The following CACHD1 variants were observed in gnomAD, a reference collection of about 807,000 sequenced individuals.
The protein encoded by CACHD1 is VWFA and cache domain-containing protein 1.
A neutral mutation model predicts 138.7 loss-of-function variants in CACHD1; 71 were observed. That is an observed-to-expected ratio of 0.51 (90% CI 0.42 to 0.62). The LOEUF is 0.62. Ranked by LOEUF, CACHD1 falls within the 20% of genes least tolerant of loss-of-function variation. The probability of loss-of-function intolerance (pLI) is 0.00; values close to 1 mark genes in which losing one functional copy is unlikely to be tolerated. For synonymous variants in CACHD1, 578 were observed against 591.5 expected, an observed-to-expected ratio of 0.98 and a Z score of 0.33; for missense variants, 1,389 against 1,625.3, an observed-to-expected ratio of 0.85 and a Z score of 2.50.
chr1:64,518,777 A>G (rs1646477192), intron 1 of CACHD1, among the ~76,000 whole-genome samples: 1 of 152,150 alleles, frequency 6.6e-6, no homozygotes, highest in African/African-American at 2.4e-5. Flanking sequence ...TGAGAAGGGA[A>G]AGAGGATGGG....
chr1:64,649,201 T>G (rs1367723873), intron 9 of CACHD1, among the ~76,000 whole-genome samples: 1 of 152,102 alleles, frequency 6.6e-6, no homozygotes, highest in Non-Finnish European at 1.5e-5. Flanking sequence ...CCATTATGTC[T>G]CAATTTTTAT....
At chr1:64,506,738 T>C (rs1272774263) in intron 1 of CACHD1, among the ~76,000 whole-genome samples, 2 of 152,256 alleles carry the variant, frequency 1.3e-5, no homozygotes, top group Non-Finnish European at 2.9e-5. Context: ...TGCCCGTTAC[T>C]TACTGTGTTT....
chr1:64,544,194 G>GTTC (rs890975267), intron 1 of CACHD1, among the ~76,000 whole-genome samples: 1 of 152,086 alleles, frequency 6.6e-6, no homozygotes, highest in African/African-American at 2.4e-5. Context: ...TAAATAGCAA[G>GTTC]AGAATAAGCT....
intron 1 of CACHD1, among the ~76,000 whole-genome samples, chr1:64,486,160 C>G (rs1346178350): frequency 6.6e-6 from 1 of 151,946 alleles, no homozygotes; most frequent in Non-Finnish European, 1.5e-5. Context: ...ATTAGTATAT[C>G]TTTTTTGGTG....
intron 22 of CACHD1, among the ~76,000 whole-genome samples, chr1:64,677,670 C>A (rs540836822): frequency 3.9e-5 from 6 of 152,324 alleles, no homozygotes; most frequent in Admixed American, 6.5e-5. Context: ...TTGGGAAATG[C>A]TGACACTGCA....
intron 1 of CACHD1, among the ~76,000 whole-genome samples, chr1:64,541,577 G>A (rs1345325758): frequency 6.6e-6 from 1 of 152,168 alleles, no homozygotes; most frequent in Non-Finnish European, 1.5e-5. Context: ...GGAGGCTGAA[G>A]TGGACAGATT....
intron 1 of CACHD1, among the ~76,000 whole-genome samples, chr1:64,498,201 G>A (rs939721459): frequency 7.9e-5 from 12 of 152,114 alleles, no homozygotes; most frequent in Admixed American, 1.3e-4. Context: ...ACCAAAGCTC[G>A]GAGAGAGCTA....
chr1:64,593,205 A>G (rs1647121818), intron 3 of CACHD1, among the ~76,000 whole-genome samples: 1 of 152,194 alleles, frequency 6.6e-6, no homozygotes, highest in African/African-American at 2.4e-5. Flanking sequence ...TTACGCCTGT[A>G]ACTATGTCAT....
At chr1:64,624,223 A>G (rs970574554) in intron 4 of CACHD1, among the ~76,000 whole-genome samples, 7 of 152,248 alleles carry the variant, frequency 4.6e-5, no homozygotes, top group Non-Finnish European at 7.3e-5. Flanking sequence ...GGAGAATTGG[A>G]GAAACCTTGC....
Position 64,691,390 on chromosome 1 carries a change from C to T in CACHD1, c.3654C>T (p.Ala1218=), listed in dbSNP as rs544222989. 7.1e-5 allele frequency: 114 copies of T among 1,614,070 alleles called. No individual in the cohort carries two copies. The South Asian group carries it at 1.0e-3, about 14-fold the overall frequency. The change falls in exon 27 of 27, where the codon GCC becomes GCT. Residue 1218 remains alanine (A), a synonymous_variant. Transcript: ENST00000651257. ...NPPCNNDPLS[A]GVDVGNHDED... ...CATGCAACAATGACCCCTTGTCAGC[C>T]GGGGTCGATGTGGGAAACCATGATG...
chr1:64,513,809 G>C (rs1261919335), intron 1 of CACHD1, among the ~76,000 whole-genome samples: 1 of 152,208 alleles, frequency 6.6e-6, no homozygotes, highest in East Asian at 1.9e-4. Flanking sequence ...CAGCAGGAAT[G>C]TTAGTCTGGG....
intron 1 of CACHD1, among the ~76,000 whole-genome samples, chr1:64,495,429 C>G (rs1341906233): frequency 6.6e-6 from 1 of 152,034 alleles, no homozygotes. Context: ...TAATTTATTT[C>G]TTTTTGACCT....
chr1:64,543,866 CTTTTTTTTTTT>C (rs370129207), intron 1 of CACHD1, among the ~76,000 whole-genome samples: 3 of 77,510 alleles, frequency 3.9e-5, no homozygotes, highest in Non-Finnish European at 7.0e-5. Context: ...CTTTTCAGTG[CTTTTTTTTTTT>C]TTTTTTTTTT....
intron 3 of CACHD1, among the ~76,000 whole-genome samples, chr1:64,591,922 T>C (rs1225289435): frequency 6.6e-6 from 1 of 152,220 alleles, no homozygotes; most frequent in Non-Finnish European, 1.5e-5. Flanking sequence ...TACAACTGTA[T>C]TCAATACCTT....
At chr1:64,471,762 C>T (rs1464718954) in intron 1 of CACHD1, among the ~76,000 whole-genome samples, 1 of 152,156 alleles carries the variant, frequency 6.6e-6, no homozygotes, top group African/African-American at 2.4e-5. Flanking sequence ...GATTGTTTAT[C>T]ATGTCCGTCC....
chr1:64,533,431 A>G (rs1287901213), intron 1 of CACHD1, among the ~76,000 whole-genome samples: 1 of 152,210 alleles, frequency 6.6e-6, no homozygotes, highest in East Asian at 1.9e-4. Flanking sequence ...ATACTTGGGT[A>G]ACTAGGATTC....
At position 64,607,360 on chromosome 1, in the gene CACHD1, G is replaced by A. The variant is rs191205070; in HGVS notation, c.517+4448G>A. Among the ~76,000 whole-genome samples the A allele has an allele frequency of 1.7e-3, 257 of 152,292 alleles. 2 individuals carry two copies. Among genetic ancestry groups the A allele is most frequent in the African/African-American group, 6.0e-3 (248 of 41,554 alleles). On this transcript the variant is annotated intron_variant, in intron 4 of 26. Coordinates refer to ENST00000651257, the MANE Select transcript of CACHD1 (RefSeq NM_020925.4). Reference sequence around the variant, plus strand: ...TGTATGCTGAGGGTCCAGAAAACCAGCCATATGATTTAGCAATGTAGAGGC... The same window carrying A: ...TGTATGCTGAGGGTCCAGAAAACCAACCATATGATTTAGCAATGTAGAGGC...
intron 2 of CACHD1, among the ~76,000 whole-genome samples, chr1:64,557,693 C>T (rs1286119310): frequency 1.3e-5 from 2 of 152,116 alleles, no homozygotes; most frequent in African/African-American, 2.4e-5. Context: ...TGTCTAATTT[C>T]TTTGTTTCCC....
chr1:64,682,293 G>C (rs1282702940), intron 26 of CACHD1, among the ~76,000 whole-genome samples, 187 bp downstream of exon 26: 1 of 152,208 alleles, frequency 6.6e-6, no homozygotes, highest in Non-Finnish European at 1.5e-5. Context: ...TTGCTTTCAA[G>C]TTTTTCTCCA....
Sources: gnomAD v4.1 joint callset for allele counts (sites outside exome capture counted in the v4.1 genomes callset) on GRCh38, gnomAD v4.1.1 for gene constraint, MANE v1.5 for transcripts, NCBI Gene and HGNC (gene_info 2026-07-23, HGNC 2026-07-21) for gene names.